The following GCH1 variants were observed in gnomAD, a reference collection of about 807,000 sequenced individuals.
GCH1 encodes GTP cyclohydrolase 1.
In GCH1, 5 loss-of-function variants were observed where a neutral mutation model predicts 25.9. That is an observed-to-expected ratio of 0.19 (90% CI 0.10 to 0.41). GCH1 has a LOEUF of 0.41. GCH1 is among the 10% of genes least tolerant of loss of function. The pLI, the probability that GCH1 is intolerant of heterozygous loss-of-function variation, is 1.00. For synonymous variants in GCH1, 159 were observed against 129.6 expected, an observed-to-expected ratio of 1.23 and a Z score of -1.54; for missense variants, 261 against 336.5, an observed-to-expected ratio of 0.78 and a Z score of 1.75.
chr14:54,884,884 G>A (rs1214042310), intron 1 of GCH1: 1 of 153,034 alleles, frequency 6.5e-6, no homozygotes, highest in Non-Finnish European at 1.5e-5. Flanking sequence ...CTAGCCCCAG[G>A]AAGGTGGCTG....
intron 3 of GCH1, among the ~76,000 whole-genome samples, chr14:54,853,938 C>G (rs137901914): frequency 1.6e-3 from 248 of 152,266 alleles, no homozygotes; most frequent in African/African-American, 5.8e-3. Context: ...ATTAATTTGA[C>G]CTTTTCTAAT....
chr14:54,862,597 T>TTG (rs1341091158), intron 2 of GCH1, among the ~76,000 whole-genome samples: 10 of 132,202 alleles, frequency 7.6e-5, no homozygotes, highest in African/African-American at 2.8e-4. Flanking sequence ...GTTTTCGTTT[T>TTG]TTTTTTTTTT....
At chr14:54,886,958 T>C (rs1298379161) in intron 1 of GCH1, among the ~76,000 whole-genome samples, 1 of 152,244 alleles carries the variant, frequency 6.6e-6, no homozygotes, top group Admixed American at 6.5e-5. Context: ...TTATAAACTG[T>C]CAGCCAGGAG....
At chr14:54,886,218 T>C (rs995260141) in intron 1 of GCH1, 3 of 155,786 alleles carry the variant, frequency 1.9e-5, no homozygotes, top group Non-Finnish European at 2.9e-5. Context: ...CCATTCATTT[T>C]GTTCCTGGAT....
chr14:54,869,120 C>T (rs2040031454), intron 1 of GCH1, among the ~76,000 whole-genome samples: 1 of 151,626 alleles, frequency 6.6e-6, no homozygotes, highest in East Asian at 2.0e-4. Flanking sequence ...CTCACTGCAA[C>T]CTTCGCCTCC....
chr14:54,856,444 ATTAT>A (rs201488452), intron 3 of GCH1, among the ~76,000 whole-genome samples: 4 of 152,082 alleles, frequency 2.6e-5, no homozygotes, highest in South Asian at 2.1e-4. Context: ...CATTCACTCA[ATTAT>A]TTATTTATTT....
At chr14:54,856,425 G>T (rs1274494174) in intron 3 of GCH1, among the ~76,000 whole-genome samples, 1 of 152,080 alleles carries the variant, frequency 6.6e-6, no homozygotes, top group Admixed American at 6.6e-5. Context: ...CTAAATTCAA[G>T]ATTTCGTACA....
At position 54,843,898 on chromosome 14, in the gene GCH1, A is replaced by G; in HGVS notation, c.*119T>C. ...GAAATAATTTTAAATATAATTAGTG[A>G]CAAGGAATAAAGTTCACATCTGTAA... On this transcript the variant is annotated 3_prime_UTR_variant, in exon 6 of 6. Coordinates refer to ENST00000491895, the MANE Select transcript of GCH1 (RefSeq NM_000161.3). 4 of 1,608,174 alleles carry G rather than the reference A, an allele frequency of 2.5e-6. No homozygotes were observed. The highest frequency in any genetic ancestry group is 2.2e-5 in the South Asian group (2 of 90,848).
intron 5 of GCH1, 33 bp downstream of exon 5, chr14:54,845,735 T>C (rs768153244): frequency 1.7e-6 from 2 of 1,162,352 alleles, no homozygotes; most frequent in Non-Finnish European, 2.6e-6. Context: ...TAGTGCACCA[T>C]TATGACGTTA....
chr14:54,893,877 T>C (rs902980926), intron 1 of GCH1, among the ~76,000 whole-genome samples: 14 of 152,368 alleles, frequency 9.2e-5, no homozygotes, highest in African/African-American at 3.4e-4. Context: ...CTATGCCAAG[T>C]GCTCTCACTG....
chr14:54,851,326 A>T (rs536876956), intron 3 of GCH1, among the ~76,000 whole-genome samples: 4 of 152,268 alleles, frequency 2.6e-5, no homozygotes, highest in African/African-American at 7.2e-5. Flanking sequence ...GGACTTCATG[A>T]CTAAAACACC....
intron 2 of GCH1, among the ~76,000 whole-genome samples, chr14:54,860,685 C>A (rs532511172): frequency 6.6e-6 from 1 of 152,036 alleles, no homozygotes; most frequent in Admixed American, 6.5e-5. Context: ...GGACTACAGG[C>A]GCCTGCCACC....
At chr14:54,897,222 G>A (rs371092860) in intron 1 of GCH1, among the ~76,000 whole-genome samples, 43 of 148,698 alleles carry the variant, frequency 2.9e-4, no homozygotes, top group Middle Eastern at 3.4e-3. Context: ...TCTTGACCTC[G>A]TTATTTGCCC....
chr14:54,845,291 G>A (rs914943455), intron 5 of GCH1, among the ~76,000 whole-genome samples: 2 of 147,834 alleles, frequency 1.4e-5, no homozygotes, highest in African/African-American at 2.5e-5. Flanking sequence ...CAGCCTGGCC[G>A]ACATGATGAA....
chr14:54,851,457 T>G (rs182318041), intron 3 of GCH1, among the ~76,000 whole-genome samples: 204 of 152,244 alleles, frequency 1.3e-3, no homozygotes, highest in Non-Finnish European at 2.7e-3. Flanking sequence ...GGGAGAAAAT[T>G]TTTATGATCT....
chr14:54,870,369 G>A (rs961755992), intron 1 of GCH1, among the ~76,000 whole-genome samples: 9 of 151,452 alleles, frequency 5.9e-5, no homozygotes, highest in Middle Eastern at 3.4e-3. Flanking sequence ...AAGGGTGGGG[G>A]TGGAGCCAAG....
intron 3 of GCH1, among the ~76,000 whole-genome samples, chr14:54,851,558 T>C (rs989450520): frequency 2.6e-5 from 4 of 152,048 alleles, no homozygotes; most frequent in Non-Finnish European, 5.9e-5. Context: ...AAAAAGTGGG[T>C]GAAGGATATG....
intron 1 of GCH1, among the ~76,000 whole-genome samples, chr14:54,880,355 T>C (rs1343016429): frequency 6.9e-6 from 1 of 144,552 alleles, no homozygotes; most frequent in Non-Finnish European, 1.5e-5. Flanking sequence ...ATTAATAATA[T>C]ATTATAAAAT....
chr14:54,898,879 C>T (rs952616708), intron 1 of GCH1, among the ~76,000 whole-genome samples: 2 of 152,184 alleles, frequency 1.3e-5, no homozygotes, highest in East Asian at 3.9e-4. Context: ...CCACCTTGGC[C>T]TCCCAAAGTG....
Sources: allele counts gnomAD v4.1 joint callset (sites outside exome capture counted in the v4.1 genomes callset), GRCh38; gene constraint gnomAD v4.1.1; transcripts MANE v1.5; gene names NCBI Gene and HGNC (gene_info 2026-07-23, HGNC 2026-07-21).